ECHDC3: variants seen among roughly 807,000 people sequenced by gnomAD.
ECHDC3 encodes the protein enoyl-CoA hydratase domain-containing protein 3, mitochondrial.
ECHDC3 carries 20 observed loss-of-function variants against 17.9 expected under a neutral mutation model. That is an observed-to-expected ratio of 1.12 (90% CI 0.79 to 1.63). ECHDC3 has a LOEUF of 1.63. Among genes scored for constraint, ECHDC3 ranks in the 40% most tolerant of loss-of-function variants. The pLI is 0.00. For missense variants in ECHDC3, 407 were observed against 357.7 expected, an observed-to-expected ratio of 1.14 and a Z score of -1.11; for synonymous variants, 177 against 149.7, an observed-to-expected ratio of 1.18 and a Z score of -1.33.
intron 2 of ECHDC3, among the ~76,000 whole-genome samples, chr10:11,749,173 C>G (rs1873734): frequency 0.93 from 142,069 of 152,216 alleles, 67,143 homozygotes; most frequent in East Asian, 1. Flanking sequence ...GAGCGAGTCC[C>G]CAAATAAAGG....
At chr10:11,744,477 C>T (rs541251052) in intron 1 of ECHDC3, among the ~76,000 whole-genome samples, 2 of 152,274 alleles carry the variant, frequency 1.3e-5, no homozygotes, top group South Asian at 4.1e-4. Flanking sequence ...GGGACCTTCT[C>T]GTGGTTTACA....
rs981317162 is a variant in ECHDC3, at chr10:11,763,899, T to C, written c.*355T>C. 1.6e-5 allele frequency: 17 copies of C among 1,042,740 alleles called. No individual in the cohort carries two copies. The highest frequency in any genetic ancestry group is 1.0e-4 in the African/African-American group (6 of 58,930). 64.6% of individuals were successfully genotyped at this position (1,042,740 alleles called of 1,614,324 possible). A position where few individuals can be genotyped will look rare whatever the true frequency, so the allele number is the denominator to read the frequency against. The stretch of plus-strand genomic sequence containing the variant: ...AAGAAGGACGCCAGCCTGACCCTTA[T>C]CTGAAACGTCCTAAGCAGAGTTAAT... On this transcript the variant is annotated 3_prime_UTR_variant, in exon 5 of 5. Transcript: ENST00000379215. The surrounding 1 kb of genome is among the most constrained non-coding windows in gnomAD (Gnocchi z 4.9).
At chr10:11,751,720 A>ATTCC (rs754110021) in intron 3 of ECHDC3, among the ~76,000 whole-genome samples, 7 of 152,200 alleles carry the variant, frequency 4.6e-5, no homozygotes, top group Non-Finnish European at 1.0e-4. Flanking sequence ...TTGGCTCTGG[A>ATTCC]AGAGTGAAAA....
Position 11,760,227 on chromosome 10 carries a change from C to T in ECHDC3, c.592-2997C>T, listed in dbSNP as rs565679622. 5.3e-5 allele frequency among the ~76,000 whole-genome samples: 8 copies of T among 152,260 alleles called. No individual in the cohort carries two copies. The East Asian group carries it at 1.5e-3, about 29-fold the overall frequency. ...CATTTGTACCCGAGCGTGCTGGCTG[C>T]GGAAGTGAGAGGTGAGAAATGGCTT... is the stretch of plus-strand genomic sequence containing the variant. On this transcript the variant is annotated intron_variant, in intron 4 of 4. Coordinates refer to ENST00000379215, the MANE Select transcript of ECHDC3 (RefSeq NM_024693.5).
At chr10:11,742,793 G>T in intron 1 of ECHDC3, 47 bp downstream of exon 1, 1 of 1,224,928 alleles carries the variant, frequency 8.2e-7, no homozygotes, top group Non-Finnish European at 1.0e-6. Context: ...CCGAGTCGGG[G>T]TCAGGGCGCC....
rs1239303294 is a variant in ECHDC3 at position 11,747,268 on chromosome 10, C to A, written c.171-81C>A. 3.8e-6 allele frequency: 6 copies of A among 1,558,688 alleles called. No individual in the cohort carries two copies. In the African/African-American group the frequency reaches 6.8e-5, roughly 18 times the overall value. On this transcript the variant is annotated intron_variant, in intron 1 of 4. Coordinates refer to ENST00000379215, the MANE Select transcript of ECHDC3 (RefSeq NM_024693.5). ...CCTTTCTTGTCTGTTAAAAATACCT[C>A]CTAAATTAGACAGGAATCGCAGGGG...
intron 1 of ECHDC3, among the ~76,000 whole-genome samples, chr10:11,743,934 G>A (rs2133785000): frequency 6.6e-6 from 1 of 152,344 alleles, no homozygotes; most frequent in East Asian, 1.9e-4. Context: ...TCACATGAAT[G>A]CTAGGGTTTG....
At chr10:11,751,350 T>G (rs1171777192) in intron 3 of ECHDC3, among the ~76,000 whole-genome samples, 3 of 152,182 alleles carry the variant, frequency 2.0e-5, no homozygotes, top group East Asian at 3.9e-4. Flanking sequence ...AAAGACTCAG[T>G]GCATAAACAG....
chr10:11,752,407 A>G (rs192406209), intron 3 of ECHDC3, among the ~76,000 whole-genome samples: 2 of 151,206 alleles, frequency 1.3e-5, no homozygotes, highest in African/African-American at 4.9e-5. Context: ...GGTGTGAGCC[A>G]CAGCACCCGG....
chr10:11,749,597 GC>G lies in ECHDC3; in HGVS notation c.390+7del. 1 of 1,613,902 alleles carries G rather than the reference GC, an allele frequency of 6.2e-7. No homozygotes were observed. The highest frequency in any genetic ancestry group is 8.5e-7 in the Non-Finnish European group (1 of 1,179,980). On this transcript the variant is annotated splice_donor_region_variant and intron_variant, in intron 3 of 4. Transcript: ENST00000379215. ...GTATTTCAGACCTGTTCCAAGGTAAGCCAAGACGACAGTCGACAGTGCAAAC... is the reference window on the plus strand; with the variant it reads ...GTATTTCAGACCTGTTCCAAGGTAAGCAAGACGACAGTCGACAGTGCAAAC...
At chr10:11,749,725 G>A in intron 3 of ECHDC3, 133 bp downstream of exon 3, 1 of 427,242 alleles carries the variant, frequency 2.3e-6, no homozygotes, top group African/African-American at 2.6e-5. Context: ...AAACTGTTTG[G>A]TCATCAGATC....
At position 11,753,836 on chromosome 10, in the gene ECHDC3, G is replaced by A. The variant is rs560916160; in HGVS notation, c.391-1572G>A. 9.9e-5 allele frequency among the ~76,000 whole-genome samples: 15 copies of A among 152,032 alleles called. No homozygotes were observed. The East Asian group carries it at 1.4e-3, about 14-fold the overall frequency. On this transcript the variant is annotated intron_variant, in intron 3 of 4. Coordinates refer to ENST00000379215, the MANE Select transcript of ECHDC3 (RefSeq NM_024693.5). The stretch of plus-strand genomic sequence containing the variant: ...GTCACCCAGGCTAGAGTGCAATGGC[G>A]CGATCTCAGCTCACCACAACCTCCA...
chr10:11,755,788 C>T (rs1280342342), intron 4 of ECHDC3, 180 bp downstream of exon 4: 4 of 571,080 alleles, frequency 7.0e-6, no homozygotes, highest in South Asian at 2.6e-5. Context: ...AGGGAAGAGC[C>T]GACCGCCTGC....
Position 11,755,621 on chromosome 10 carries a change from C to G in ECHDC3, c.591+13C>G. The G allele has an allele frequency of 6.3e-7, 1 of 1,596,720 alleles. No homozygotes were observed. The highest frequency in any genetic ancestry group is 8.5e-7 in the Non-Finnish European group (1 of 1,171,596). On this transcript the variant is annotated intron_variant, in intron 4 of 4. Coordinates refer to ENST00000379215, the MANE Select transcript of ECHDC3 (RefSeq NM_024693.5). ...AGTGCCTAGAAAGGTAATTTAACTC[C>G]CCCCACCCACCTCTGCCTCCCAGCC...
chr10:11,755,754 A>T, intron 4 of ECHDC3, 146 bp downstream of exon 4: 1 of 743,974 alleles, frequency 1.3e-6, no homozygotes, highest in South Asian at 2.1e-5. Context: ...TAGATGGGCC[A>T]GGATGTTCCC....
chr10:11,758,626 G>A (rs1397247475), intron 4 of ECHDC3, among the ~76,000 whole-genome samples: 1 of 152,156 alleles, frequency 6.6e-6, no homozygotes, highest in African/African-American at 2.4e-5. Flanking sequence ...TTTAGAGGAC[G>A]CACAGTTCCA....
chr10:11,749,070 C>T (rs57277210), intron 2 of ECHDC3, among the ~76,000 whole-genome samples: 3,107 of 152,274 alleles, frequency 0.02, 120 homozygotes, highest in African/African-American at 0.071. Flanking sequence ...TCAGCCATGA[C>T]GGCTGGCCAC....
chr10:11,762,070 A>G (rs1476726977), intron 4 of ECHDC3, among the ~76,000 whole-genome samples: 2 of 22,896 alleles, frequency 8.7e-5, no homozygotes, highest in Non-Finnish European at 2.4e-4. Flanking sequence ...CCATCTTGGA[A>G]AAAAAAAAAA....
In ECHDC3 at chr10:11,749,371, G is replaced by A. The variant is rs73580930; in HGVS notation, c.293-124G>A. On this transcript the variant is annotated intron_variant, in intron 2 of 4. Coordinates refer to ENST00000379215, the MANE Select transcript of ECHDC3 (RefSeq NM_024693.5). ...CTGGAATTATTCTTCTCAAAATTAG[G>A]CCATTAACTTGCTCTAAGTGAAAGT... 5,043 of 771,822 alleles carry A rather than the reference G, an allele frequency of 6.5e-3. 197 individuals are homozygous for A. In the African/African-American group the frequency reaches 0.078, roughly 12 times the overall value. 47.8% of individuals were successfully genotyped at this position (771,822 alleles called of 1,614,324 possible).
Sources: gnomAD v4.1 joint callset for allele counts (sites outside exome capture counted in the v4.1 genomes callset) on GRCh38, gnomAD v4.1.1 for gene constraint, Gnocchi (gnomAD v3.1) non-coding constraint, MANE v1.5 for transcripts, NCBI Gene and HGNC (gene_info 2026-07-23, HGNC 2026-07-21) for gene names.